Variants in PRKN observed in about 807,000 individuals in gnomAD.
PRKN encodes E3 ubiquitin-protein ligase parkin.
A neutral mutation model predicts 59.5 loss-of-function variants in PRKN; 56 were observed. The ratio of observed to expected loss-of-function variants is 0.94; its 90% CI spans 0.76 to 1.18. PRKN has a LOEUF of 1.18. PRKN is among the 50% of genes most tolerant of loss of function. The pLI, the probability that PRKN is intolerant of heterozygous loss-of-function variation, is 0.00. For missense variants in PRKN, 657 were observed against 596.4 expected, an observed-to-expected ratio of 1.10 and a Z score of -1.06; for synonymous variants, 250 against 222.1, an observed-to-expected ratio of 1.13 and a Z score of -1.12.
At chr6:161,771,666 T>C (rs915034476) in intron 7 of PRKN, among the ~76,000 whole-genome samples, 1 of 152,206 alleles carries the variant, frequency 6.6e-6, no homozygotes, top group African/African-American at 2.4e-5. Context: ...GAATCAGTGA[T>C]GGAACATGTG....
At chr6:162,283,658 T>C (rs534303450) in intron 2 of PRKN, among the ~76,000 whole-genome samples, 51 of 152,266 alleles carry the variant, frequency 3.3e-4, no homozygotes, top group Middle Eastern at 3.4e-3. Context: ...GTAGCTGGGA[T>C]TGCAGGTATG....
At chr6:162,724,570 G>A (rs182160741) in intron 1 of PRKN, among the ~76,000 whole-genome samples, 1 of 152,292 alleles carries the variant, frequency 6.6e-6, no homozygotes, top group East Asian at 1.9e-4. Context: ...GTAAGGTTGA[G>A]GCGGGAAATT....
chr6:161,802,734 A>G (rs1383442511), intron 6 of PRKN, among the ~76,000 whole-genome samples: 2 of 151,996 alleles, frequency 1.3e-5, no homozygotes, highest in East Asian at 3.9e-4. Context: ...CATAACATCA[A>G]TCACTTCCTA....
chr6:161,704,522 C>T (rs1050286456), intron 7 of PRKN, among the ~76,000 whole-genome samples: 18 of 152,272 alleles, frequency 1.2e-4, no homozygotes, highest in African/African-American at 3.9e-4. Flanking sequence ...GGATTCGTTT[C>T]GTGCCCTTTT....
In PRKN at chr6:161,359,990, T is replaced by G. The variant is rs754719162; in HGVS notation, c.1285+98A>C. On this transcript the variant is annotated intron_variant, in intron 11 of 11. Coordinates refer to ENST00000366898, the MANE Select transcript of PRKN (RefSeq NM_004562.3). The surrounding 1 kb of genome is among the most constrained non-coding windows in gnomAD (Gnocchi z 5.4). ...GGGGTTACCCAACACACCAGGCACC[T>G]TCAGACAGCATCTCCTTTAATCCTG... 10 of 909,002 alleles carry G rather than the reference T, an allele frequency of 1.1e-5. No individual in the cohort carries two copies. Among genetic ancestry groups the G allele is most frequent in the Non-Finnish European group, 1.9e-5 (10 of 538,192 alleles). 56.3% of individuals were successfully genotyped at this position (909,002 alleles called of 1,614,324 possible).
At chr6:162,131,811 A>T (rs1388542344) in intron 4 of PRKN, among the ~76,000 whole-genome samples, 1 of 152,348 alleles carries the variant, frequency 6.6e-6, no homozygotes, top group African/African-American at 2.4e-5. Context: ...GAGAACATTT[A>T]AAAATGTTTA....
intron 6 of PRKN, among the ~76,000 whole-genome samples, chr6:161,809,528 TGCTTAATA>T (rs1394954646): frequency 6.6e-6 from 1 of 152,264 alleles, no homozygotes; most frequent in African/African-American, 2.4e-5. Flanking sequence ...ATATCCCAGT[TGCTTAATA>T]GCTTATTGTC....
At chr6:162,383,223 A>G (rs189173600) in intron 2 of PRKN, among the ~76,000 whole-genome samples, 8 of 152,304 alleles carry the variant, frequency 5.3e-5, no homozygotes, top group Non-Finnish European at 1.0e-4. Flanking sequence ...AACTTTTCCC[A>G]GTTCCATTAG....
chr6:162,572,843 A>C lies in PRKN; in HGVS notation c.8-129370T>G, dbSNP rs1326121524. Among the ~76,000 whole-genome samples the C allele has an allele frequency of 4.6e-5, 7 of 151,832 alleles. No individual in the cohort carries two copies. In the East Asian group the frequency reaches 1.4e-3, roughly 30 times the overall value. The stretch of plus-strand genomic sequence containing the variant: ...CTGTGGCTGTGAAACTATTCTCAAA[A>C]AACTCTGCGTAACCTAAAAACAAAC... On this transcript the variant is annotated intron_variant, in intron 1 of 11. Coordinates refer to ENST00000366898, the MANE Select transcript of PRKN (RefSeq NM_004562.3).
At chr6:162,179,288 T>G (rs945022640) in intron 4 of PRKN, among the ~76,000 whole-genome samples, 3 of 152,214 alleles carry the variant, frequency 2.0e-5, no homozygotes, top group African/African-American at 7.2e-5. Flanking sequence ...CTTAGGAACC[T>G]GTGCCAATTG....
At chr6:162,196,303 T>C (rs1272099201) in intron 4 of PRKN, among the ~76,000 whole-genome samples, 1 of 152,196 alleles carries the variant, frequency 6.6e-6, no homozygotes. Context: ...ATACAGTCTC[T>C]GATAAAGTTT....
chr6:161,417,508 C>A lies in PRKN; in HGVS notation c.1084-30631G>T, dbSNP rs888417941. On this transcript the variant is annotated intron_variant, in intron 9 of 11. Transcript: ENST00000366898. The surrounding 1 kb of genome is among the most constrained non-coding windows in gnomAD (Gnocchi z 5.4). ...AGACCACACGCTATTGATTTAATCT[C>A]TGAATTAAAGGTCTCTGAATTAAAG... Among the ~76,000 whole-genome samples, 1 of 151,222 alleles carries A rather than the reference C, an allele frequency of 6.6e-6. No homozygotes were observed. Among genetic ancestry groups the A allele is most frequent in the Admixed American group, 6.6e-5 (1 of 15,176 alleles).
intron 7 of PRKN, among the ~76,000 whole-genome samples, chr6:161,602,395 C>T (rs563528558): frequency 6.6e-6 from 1 of 152,288 alleles, no homozygotes; most frequent in East Asian, 1.9e-4. Flanking sequence ...AATTCAACAC[C>T]GGCTTGTCTC....
rs118168526 is a variant in PRKN at position 161,686,551 on chromosome 6, C to G, written c.871+99221G>C. ...TTTTGTTATTATGGGTCCAATCTACCCAGTGGCTTACCATGATCTACGGAA... is the reference window on the plus strand; with the variant it reads ...TTTTGTTATTATGGGTCCAATCTACGCAGTGGCTTACCATGATCTACGGAA... On this transcript the variant is annotated intron_variant, in intron 7 of 11. Transcript: ENST00000366898. Among the ~76,000 whole-genome samples the G allele has an allele frequency of 3.3e-4, 50 of 152,214 alleles. No individual in the cohort carries two copies. In the East Asian group the frequency reaches 9.7e-3, roughly 29 times the overall value.
intron 7 of PRKN, among the ~76,000 whole-genome samples, chr6:161,750,118 T>TATATATATATATATATATATATACAC (rs1269147499): frequency 1.3e-4 from 18 of 137,820 alleles, no homozygotes; most frequent in African/African-American, 4.8e-4. Context: ...TATATATATA[T>TATATATATATATATATATATATACAC]ACACACACAC....
chr6:162,362,946 G>A (rs1785223678), intron 2 of PRKN, among the ~76,000 whole-genome samples: 1 of 151,596 alleles, frequency 6.6e-6, no homozygotes, highest in South Asian at 2.1e-4. Context: ...GACTAACACG[G>A]TGAAATCCTG....
At chr6:162,667,405 T>G (rs1010611885) in intron 1 of PRKN, among the ~76,000 whole-genome samples, 8 of 152,066 alleles carry the variant, frequency 5.3e-5, no homozygotes, top group Non-Finnish European at 1.5e-5. Flanking sequence ...TCAACCACAT[T>G]TAATAAATGC....
chr6:161,668,257 T>C (rs571360031), intron 7 of PRKN, among the ~76,000 whole-genome samples: 79 of 146,724 alleles, frequency 5.4e-4, no homozygotes, highest in Admixed American at 3.9e-3. Context: ...AACAGGTTTT[T>C]CATATAAAGA....
At chr6:161,522,829 A>G (rs1319506410) in intron 9 of PRKN, among the ~76,000 whole-genome samples, 3 of 152,198 alleles carry the variant, frequency 2.0e-5, no homozygotes, top group Non-Finnish European at 4.4e-5. Context: ...TCTCAATCCC[A>G]TCACAAAGAC....
Sources: allele counts gnomAD v4.1 joint callset (sites outside exome capture counted in the v4.1 genomes callset), GRCh38; gene constraint gnomAD v4.1.1; non-coding constraint Gnocchi (gnomAD v3.1); transcripts MANE v1.5; gene names NCBI Gene and HGNC (gene_info 2026-07-23, HGNC 2026-07-21).